Variants in VIRMA observed in about 807,000 individuals in gnomAD.
The protein encoded by VIRMA is vir like m6A methyltransferase associated, also known as protein virilizer homolog.
In VIRMA, 65 loss-of-function variants were observed where a neutral mutation model predicts 182.4. That is an observed-to-expected ratio of 0.36 (90% confidence interval 0.29 to 0.44). VIRMA has a LOEUF of 0.44. Among genes scored for constraint, VIRMA ranks in the 20% least tolerant of loss-of-function variants. The probability of loss-of-function intolerance (pLI) is 1.00; values close to 1 mark genes in which losing one functional copy is unlikely to be tolerated. For missense variants in VIRMA, 1,752 were observed against 2,158.1 expected (o/e 0.81, Z 3.73); for synonymous variants, 709 against 743.1 (o/e 0.95, Z 0.75).
rs112849798 is a variant in VIRMA at position 94,491,231 on chromosome 8, T to A, written c.5140+347A>T. On this transcript the variant is annotated intron_variant, in intron 22 of 23. Coordinates refer to ENST00000297591, the MANE Select transcript of VIRMA (RefSeq NM_015496.5). ...TGGGAGGCTGAGGCAGGAAAATCAC[T>A]TGAACCAGGGAGGCAGAGTTTGTAG... Among the ~76,000 whole-genome samples the A allele has an allele frequency of 1.8e-3, 277 of 151,698 alleles. 3 individuals carry two copies. The highest frequency in any genetic ancestry group is 6.4e-3 in the African/African-American group (266 of 41,252).
Position 94,519,053 on chromosome 8 carries a change from A to C in VIRMA, c.2445T>G (p.Val815=). 6.2e-7 allele frequency: 1 copy of C among 1,613,962 alleles called. No individual in the cohort carries two copies. The highest frequency in any genetic ancestry group is 1.1e-5 in the South Asian group (1 of 91,064). ...NPVGRSAVGH[V]FSLEKNLQSL... Reference sequence around the variant, plus strand: ...TTTGGAGATTTTTCTCCAGACTAAAAACATGGCCAACAGCTGATCTTCCCA... The same window carrying C: ...TTTGGAGATTTTTCTCCAGACTAAACACATGGCCAACAGCTGATCTTCCCA... The change falls in exon 9 of 24, where the codon GTT becomes GTG. Residue 815 remains valine (V), a synonymous_variant. Transcript: ENST00000297591.
chr8:94,489,377 T>C (rs1408759823), intron 23 of VIRMA, among the ~76,000 whole-genome samples: 1 of 152,244 alleles, frequency 6.6e-6, no homozygotes, highest in Non-Finnish European at 1.5e-5. Flanking sequence ...AAGATGTATA[T>C]TGGGCATTCA....
chr8:94,490,366 T>C (rs1326166382), intron 22 of VIRMA, among the ~76,000 whole-genome samples: 1 of 152,192 alleles, frequency 6.6e-6, no homozygotes, highest in Admixed American at 6.5e-5. Context: ...ACTTGCCTCA[T>C]GGGGTTGACA....
chr8:94,488,349 G>T lies in VIRMA; in HGVS notation c.*357C>A. ...AACACAAGTATTAGATATTTCTTTT[G>T]GACCAGGTATGCTGTGAAAAAAGTA... On this transcript the variant is annotated 3_prime_UTR_variant, in exon 24 of 24. Coordinates refer to ENST00000297591, the MANE Select transcript of VIRMA (RefSeq NM_015496.5). The T allele has an allele frequency of 5.8e-6, 1 of 171,322 alleles. No homozygotes were observed. 10.6% of individuals were successfully genotyped at this position (171,322 alleles called of 1,614,324 possible).
In VIRMA at chr8:94,514,892, T is replaced by A; in HGVS notation, c.2728A>T (p.Asn910Tyr). Reference protein sequence around the residue: ...NLRFEINCIPNLIEYVKQNID... With the variant: ...NLRFEINCIPYLIEYVKQNID... The stretch of plus-strand genomic sequence containing the variant: ...ACCTGCTTAACATACTCAATTAAGT[T>A]TGGGATGCAGTTAATTTCAAATCTA... The change falls in exon 11 of 24, where the codon AAC becomes TAC. Residue 910 changes from asparagine to tyrosine, a missense_variant. Around this residue, in one of 11 missense-constraint regions of VIRMA, gnomAD observed 777 missense variants for 920.6 expected, o/e 0.84. Coordinates refer to ENST00000297591, the MANE Select transcript of VIRMA (RefSeq NM_015496.5). The A allele has an allele frequency of 6.3e-7, 1 of 1,586,242 alleles. No homozygotes were observed. Among genetic ancestry groups the A allele is most frequent in the Non-Finnish European group, 8.6e-7 (1 of 1,161,892 alleles).
chr8:94,542,931 A>G (rs899976257), intron 2 of VIRMA, among the ~76,000 whole-genome samples: 3 of 151,924 alleles, frequency 2.0e-5, no homozygotes, highest in South Asian at 2.1e-4. Flanking sequence ...TTTTTTTGAG[A>G]CAGTTTCACT....
At chr8:94,542,635 C>A (rs963120121) in intron 2 of VIRMA, among the ~76,000 whole-genome samples, 6 of 152,220 alleles carry the variant, frequency 3.9e-5, no homozygotes, top group Non-Finnish European at 5.9e-5. Flanking sequence ...CCTCATTCTA[C>A]ACAAAGCTCC....
chr8:94,490,475 T>G (rs1813571387), intron 22 of VIRMA, among the ~76,000 whole-genome samples: 1 of 152,190 alleles, frequency 6.6e-6, no homozygotes, highest in Non-Finnish European at 1.5e-5. Context: ...ACTCTCACCC[T>G]CCTAACTCAG....
rs1242184737 is a variant in VIRMA at position 94,511,019 on chromosome 8, T to A, written c.3390+166A>T. The A allele has an allele frequency of 2.1e-6, 3 of 1,413,668 alleles. No homozygotes were observed. In the African/African-American group the frequency reaches 4.4e-5, roughly 21 times the overall value. The allele number at this position is 1,413,668 out of a possible 1,614,324, so 87.6% of individuals were successfully genotyped here. A position where few individuals can be genotyped will look rare whatever the true frequency, so the allele number is the denominator to read the frequency against. The stretch of plus-strand genomic sequence containing the variant: ...TTATTTAAAATGTTACCCCCATATT[T>A]CCTCAATGACCAACTTGTTTCAGTT... On this transcript the variant is annotated intron_variant, in intron 13 of 23. Coordinates refer to ENST00000297591, the MANE Select transcript of VIRMA (RefSeq NM_015496.5).
chr8:94,544,002 C>G (rs1815674139), intron 1 of VIRMA, 60 bp from the exon 2 acceptor site: 4 of 818,396 alleles, frequency 4.9e-6, no homozygotes, highest in Middle Eastern at 2.3e-4. Flanking sequence ...AACAGTTTCT[C>G]TATTCAAATT....
chr8:94,527,484 TTCTGCCCCAACA>T, intron 7 of VIRMA, 121 bp from the exon 8 acceptor site: 1 of 602,910 alleles, frequency 1.7e-6, no homozygotes, highest in Non-Finnish European at 2.7e-6. Flanking sequence ...CAAAACCAAC[TTCTGCCCCAACA>T]TCTTACCCAC....
chr8:94,500,646 C>A (rs1383336497), intron 16 of VIRMA, among the ~76,000 whole-genome samples: 3 of 139,314 alleles, frequency 2.2e-5, no homozygotes, highest in Admixed American at 7.5e-5. Flanking sequence ...GAAAACAGTT[C>A]GGTAGTTTCT....
intron 2 of VIRMA, among the ~76,000 whole-genome samples, chr8:94,541,644 C>A (rs540057957): frequency 4.6e-5 from 7 of 151,678 alleles, no homozygotes; most frequent in Non-Finnish European, 8.8e-5. Context: ...CAGGTTCAGG[C>A]GATTCTCCTG....
chr8:94,538,400 T>C (rs554225687), intron 2 of VIRMA, 54 bp from the exon 3 acceptor site: 1 of 1,054,752 alleles, frequency 9.5e-7, no homozygotes, highest in Non-Finnish European at 1.5e-6. Flanking sequence ...ACTTCCTAAA[T>C]TAAAACAAAT....
intron 17 of VIRMA, 161 bp downstream of exon 17, chr8:94,499,213 C>G (rs1330463766): frequency 4.5e-6 from 2 of 439,994 alleles, no homozygotes; most frequent in Admixed American, 4.1e-5. Context: ...TTTGCCCAGG[C>G]TGGTCTCAAA....
At position 94,526,328 on chromosome 8, in the gene VIRMA, T is replaced by A; in HGVS notation, c.1916A>T (p.Glu639Val). 1 of 1,614,018 alleles carries A rather than the reference T, an allele frequency of 6.2e-7. No homozygotes were observed. Among genetic ancestry groups the A allele is most frequent in the Non-Finnish European group, 8.5e-7 (1 of 1,179,880 alleles). The stretch of plus-strand genomic sequence containing the variant: ...TTGGATCATTGTATGAGGGGCAGTT[T>A]CCATTAAATGAAAAACTTCTTCTAG... ...NLLEEVFHLM[E>V]TAPHTMIQQP... The change falls in exon 8 of 24, where the codon GAA becomes GTA. Residue 639 changes from glutamate (E) to valine (V), a missense_variant. Around this residue, in one of 11 missense-constraint regions of VIRMA, gnomAD observed 401 missense variants for 455.1 expected, o/e 0.88. Coordinates refer to ENST00000297591, the MANE Select transcript of VIRMA (RefSeq NM_015496.5).
At chr8:94,516,121 T>C (rs1468826195) in intron 10 of VIRMA, among the ~76,000 whole-genome samples, 4 of 151,920 alleles carry the variant, frequency 2.6e-5, no homozygotes, top group East Asian at 3.9e-4. Flanking sequence ...AAAATGTACA[T>C]ACCTACAAAA....
chr8:94,539,576 T>C (rs2130380082), intron 2 of VIRMA, among the ~76,000 whole-genome samples: 1 of 152,340 alleles, frequency 6.6e-6, no homozygotes, highest in African/African-American at 2.4e-5. Context: ...CTATAATGTC[T>C]AGAGTACTAT....
chr8:94,511,506 A>G lies in VIRMA; in HGVS notation c.3069T>C (p.Gly1023=). The change falls in exon 13 of 24, where the codon GGT becomes GGC. Residue 1023 remains glycine, a synonymous_variant. Transcript: ENST00000297591. ...GCATGTCCTTAAACTCAAAGGATCC[A>G]CCTCTCAGGAGTTCCGTTAACATAG... The part of the protein sequence containing the change: ...LKTMLTELLR[G]GSFEFKDMRV... 6 of 1,614,114 alleles carry G rather than the reference A, an allele frequency of 3.7e-6. No individual in the cohort carries two copies. The highest frequency in any genetic ancestry group is 1.3e-5 in the African/African-American group (1 of 75,048).
Sources: gnomAD v4.1 joint callset for allele counts (sites outside exome capture counted in the v4.1 genomes callset) on GRCh38, gnomAD v4.1.1 for gene constraint, gnomAD v4.1.1 regional missense constraint, MANE v1.5 for transcripts, NCBI Gene and HGNC (gene_info 2026-07-23, HGNC 2026-07-21) for gene names.